Variants in VPS37A observed in about 807,000 individuals in gnomAD.
The protein encoded by VPS37A is VPS37A subunit of ESCRT-I, also known as vacuolar protein sorting-associated protein 37A.
A neutral mutation model predicts 49.8 loss-of-function variants in VPS37A; 30 were observed. The observed-to-expected ratio is 0.60, with a 90% CI of 0.45 to 0.82. VPS37A has a LOEUF of 0.82. Ranked by LOEUF, VPS37A falls within the 40% of genes least tolerant of loss-of-function variation. VPS37A has a pLI of 0.00. For synonymous variants in VPS37A, 195 were observed against 160.6 expected, an observed-to-expected ratio of 1.21 and a Z score of -1.62; for missense variants, 593 against 464.4, an observed-to-expected ratio of 1.28 and a Z score of -2.55.
downstream of VPS37A, chr8:17,304,571 A>G: frequency 6.4e-7 from 1 of 1,558,152 alleles, no homozygotes; most frequent in African/African-American, 1.4e-5. Flanking sequence ...GCTTACACAC[A>G]GTAGATATGT....
intron 6 of VPS37A, among the ~76,000 whole-genome samples, chr8:17,278,514 A>T (rs906285318): frequency 6.6e-6 from 1 of 152,044 alleles, no homozygotes; most frequent in Admixed American, 6.6e-5. Context: ...AGTTGCTCTG[A>T]TGGGTGAGAA....
At chr8:17,247,837 G>C (rs1421358848) in intron 1 of VPS37A, 1 of 692,950 alleles carries the variant, frequency 1.4e-6, no homozygotes, top group Non-Finnish European at 2.6e-6. Flanking sequence ...TTTCATCAGT[G>C]AATGCTTCTC....
At chr8:17,315,221 A>G in the VPS37A span, among the ~76,000 whole-genome samples, 1 of 152,222 alleles carries the variant, frequency 6.6e-6, no homozygotes, top group Non-Finnish European at 1.5e-5. Context: ...GTGCTAAGGG[A>G]AAGAAGCCAA....
chr8:17,321,232 G>T, the VPS37A span, among the ~76,000 whole-genome samples: 1 of 152,192 alleles, frequency 6.6e-6, no homozygotes, highest in Non-Finnish European at 1.5e-5. Flanking sequence ...CCTGGAAATG[G>T]CCTGTGCCAA....
chr8:17,299,661 A>C (rs1263024177), downstream of VPS37A: 4 of 655,780 alleles, frequency 6.1e-6, no homozygotes, highest in African/African-American at 5.5e-5. Context: ...AATTTTCCTT[A>C]TATTTGATAA....
chr8:17,279,649 T>A (rs1299203515), intron 6 of VPS37A: 1 of 332,658 alleles, frequency 3.0e-6, no homozygotes, highest in African/African-American at 2.2e-5. Flanking sequence ...TTAAGAAACC[T>A]AAGCTGAATA....
At chr8:17,287,091 A>G (rs1462265433) in intron 11 of VPS37A, among the ~76,000 whole-genome samples, 1 of 152,038 alleles carries the variant, frequency 6.6e-6, no homozygotes, top group African/African-American at 2.4e-5. Flanking sequence ...TTCTTCTACC[A>G]CGGTATCTTT....
chr8:17,328,589 G>C, the VPS37A span, among the ~76,000 whole-genome samples: 1 of 152,094 alleles, frequency 6.6e-6, no homozygotes, highest in Non-Finnish European at 1.5e-5. Flanking sequence ...AGTGGAGGGA[G>C]AGCATAAGGA....
chr8:17,293,980 G>C (rs1244957355), intron 11 of VPS37A, among the ~76,000 whole-genome samples: 3 of 152,234 alleles, frequency 2.0e-5, no homozygotes, highest in African/African-American at 7.2e-5. Flanking sequence ...CTAGAGCATG[G>C]TGCTGGGTGA....
chr8:17,324,761 T>C, the VPS37A span, among the ~76,000 whole-genome samples: 2 of 152,190 alleles, frequency 1.3e-5, no homozygotes, highest in Non-Finnish European at 2.9e-5. Flanking sequence ...GGGTTTTCTA[T>C]GTGGAAACCT....
At position 17,274,394 on chromosome 8, in the gene VPS37A, A is replaced by G. The variant is rs17124299; in HGVS notation, c.417-339A>G. Among the ~76,000 whole-genome samples the G allele has an allele frequency of 0.023, 3,573 of 152,240 alleles. 150 individuals are homozygous for G. Among genetic ancestry groups the G allele is most frequent in the African/African-American group, 0.082 (3,402 of 41,520 alleles). On this transcript the variant is annotated intron_variant, in intron 4 of 11. Coordinates refer to ENST00000324849, the MANE Select transcript of VPS37A (RefSeq NM_152415.3). ...TTAAATATTGCTCTGCATTCCCTCTATGGAGATACTGATTGATAGCAGTGG... is the reference window on the plus strand; with the variant it reads ...TTAAATATTGCTCTGCATTCCCTCTGTGGAGATACTGATTGATAGCAGTGG...
intron 1 of VPS37A, among the ~76,000 whole-genome samples, chr8:17,263,030 C>G (rs112904814): frequency 7.5e-5 from 11 of 147,530 alleles, no homozygotes; most frequent in African/African-American, 2.5e-4. Flanking sequence ...CATTGCACTC[C>G]AGCCTGATGA....
chr8:17,271,388 G>A (rs1011954744), intron 4 of VPS37A, among the ~76,000 whole-genome samples: 2 of 152,102 alleles, frequency 1.3e-5, no homozygotes, highest in African/African-American at 2.4e-5. Flanking sequence ...GGCGGATCAC[G>A]AGGTCAGGAG....
intron 4 of VPS37A, 37 bp downstream of exon 4, chr8:17,268,993 T>C (rs764435930): frequency 3.1e-5 from 42 of 1,355,068 alleles, no homozygotes; most frequent in Middle Eastern, 1.8e-4. Flanking sequence ...AGTCTGCCTG[T>C]ATTTTAATGT....
At chr8:17,267,285 A>G (rs778214780) in intron 2 of VPS37A, among the ~76,000 whole-genome samples, 5 of 152,168 alleles carry the variant, frequency 3.3e-5, no homozygotes, top group Non-Finnish European at 5.9e-5. Flanking sequence ...TTTTCTTTTC[A>G]ACAGTATGAC....
the VPS37A span, chr8:17,313,380 G>C: frequency 1.9e-6 from 3 of 1,611,580 alleles, no homozygotes; most frequent in Non-Finnish European, 1.7e-6. Flanking sequence ...ATCACTCATG[G>C]AGGGAGATTT....
chr8:17,299,560 T>C (rs181340618), downstream of VPS37A: 24 of 293,704 alleles, frequency 8.2e-5, no homozygotes, highest in African/African-American at 2.1e-5. Context: ...ACAAGGAAGA[T>C]AGATACTGAT....
At position 17,247,393 on chromosome 8, in the gene VPS37A, C is replaced by A. The variant is rs748998222; in HGVS notation, c.125+24C>A. 10 of 456,434 alleles carry A rather than the reference C, an allele frequency of 2.2e-5. No homozygotes were observed. The South Asian group carries it at 2.2e-4, about 10-fold the overall frequency. The allele number at this position is 456,434 out of a possible 1,614,324, so 28.3% of individuals were successfully genotyped here. The stretch of plus-strand genomic sequence containing the variant: ...AGGTGACTGGTCGCTGCCTCTCCAC[C>A]GGAGGAAAAAGTAGGGTGGGAGGGC... On this transcript the variant is annotated intron_variant, in intron 1 of 11. Transcript: ENST00000324849.
chr8:17,284,391 A>G, intron 9 of VPS37A, 82 bp from the exon 10 acceptor site: 4 of 1,473,942 alleles, frequency 2.7e-6, no homozygotes, highest in Non-Finnish European at 3.6e-6. Context: ...TTGCCTCTCC[A>G]TACCACTACC....
Sources: allele counts gnomAD v4.1 joint callset (sites outside exome capture counted in the v4.1 genomes callset), GRCh38; gene constraint gnomAD v4.1.1; transcripts MANE v1.5; gene names NCBI Gene and HGNC (gene_info 2026-07-23, HGNC 2026-07-21).